Variants in FAT2 observed in about 807,000 individuals in gnomAD.
FAT2 encodes the protein protocadherin Fat 2.
Under a neutral mutation model 295.3 loss-of-function variants are expected in FAT2, and 150 were observed. That is an observed-to-expected ratio of 0.51 (90% confidence interval 0.44 to 0.58). The LOEUF is 0.58. Ranked by LOEUF, FAT2 falls within the 20% of genes least tolerant of loss-of-function variation. The probability of loss-of-function intolerance (pLI) is 0.00; values close to 1 mark genes in which losing one functional copy is unlikely to be tolerated. For synonymous variants in FAT2, 2,026 were observed against 2,150.3 expected, an observed-to-expected ratio of 0.94 and a Z score of 1.60; for missense variants, 4,868 against 5,442.7, an observed-to-expected ratio of 0.89 and a Z score of 3.32.
At position 151,507,735 on chromosome 5, in the gene FAT2, C is replaced by G. The variant is rs1040704187; in HGVS notation, c.12060-124G>C. On this transcript the variant is annotated intron_variant, in intron 22 of 23. Transcript: ENST00000261800. Reference sequence around the variant, plus strand: ...CCTACCATCTCCCGTTTTTCACCCCCCAAAAAAGTAACTATCAAGCATATC... The same window carrying G: ...CCTACCATCTCCCGTTTTTCACCCCGCAAAAAAGTAACTATCAAGCATATC... 9.4e-6 allele frequency: 8 copies of G among 846,972 alleles called. No homozygotes were observed. The Admixed American group carries it at 1.5e-4, about 16-fold the overall frequency. The allele number at this position is 846,972 out of a possible 1,614,324, so 52.5% of individuals were successfully genotyped here.
In FAT2 at chr5:151,509,726, A is replaced by G. The variant is rs555785243; in HGVS notation, c.12059+295T>C. The G allele has an allele frequency of 2.4e-5, 7 of 291,180 alleles. No homozygotes were observed. The East Asian group carries it at 4.6e-4, about 19-fold the overall frequency. 18.0% of individuals were successfully genotyped at this position (291,180 alleles called of 1,614,324 possible). A position where few individuals can be genotyped will look rare whatever the true frequency, so the allele number is the denominator to read the frequency against. On this transcript the variant is annotated intron_variant, in intron 22 of 23. Coordinates refer to ENST00000261800, the MANE Select transcript of FAT2 (RefSeq NM_001447.3). ...TGGTGAGTTGTATAATTACTTCATTATATATTACAATGTAATAATAATAGA... is the reference window on the plus strand; with the variant it reads ...TGGTGAGTTGTATAATTACTTCATTGTATATTACAATGTAATAATAATAGA...
chr5:151,525,984 A>G lies in FAT2; in HGVS notation c.10309-19T>C, dbSNP rs767318375. ...AGTTCTCCTGAGACCGAGAGTGACA[A>G]AGAAGGCAAAGAGCAGAATGAGTCC... On this transcript the variant is annotated intron_variant, in intron 17 of 23. Coordinates refer to ENST00000261800, the MANE Select transcript of FAT2 (RefSeq NM_001447.3). 3.7e-6 allele frequency: 6 copies of G among 1,612,020 alleles called. No homozygotes were observed. Among genetic ancestry groups the G allele is most frequent in the Non-Finnish European group, 5.1e-6 (6 of 1,178,828 alleles).
At chr5:151,560,347 A>T (rs1477547618) in intron 3 of FAT2, among the ~76,000 whole-genome samples, 1 of 152,226 alleles carries the variant, frequency 6.6e-6, no homozygotes, top group African/African-American at 2.4e-5. Flanking sequence ...AGCATAGAGC[A>T]GGTAACTCAC....
In FAT2 at chr5:151,566,650, CCCT is replaced by C; in HGVS notation, c.2279_2281del (p.Glu760del). On this transcript the variant is annotated inframe_deletion, in exon 2 of 24. Transcript: ENST00000261800. ...TGTCTCCAGCTCTATGTCAAAGCAG[CCCT>C]CCTCATTGCCATCTGCAATCACATA... is the stretch of plus-strand genomic sequence containing the variant. The C allele has an allele frequency of 6.2e-7, 1 of 1,614,152 alleles. No individual in the cohort carries two copies. The highest frequency in any genetic ancestry group is 1.7e-5 in the Admixed American group (1 of 60,028).
At position 151,568,503 on chromosome 5, in the gene FAT2, G is replaced by A. The variant is rs772160144; in HGVS notation, c.429C>T (p.Asp143=). 6.8e-6 allele frequency: 11 copies of A among 1,614,042 alleles called. No homozygotes were observed. In the South Asian group the frequency reaches 9.9e-5, roughly 15 times the overall value. Residue 143 remains aspartate, a synonymous_variant, in exon 2 of 24, where the codon GAC becomes GAT. Coordinates refer to ENST00000261800, the MANE Select transcript of FAT2 (RefSeq NM_001447.3). ...AAGGTGGAGAGAAGAGAGGCTTCAG[G>A]TCATTCTGGTCCAGGATGTGGACCA... The part of the protein sequence containing the change: ...RVVVHILDQN[D]LKPLFSPPSY...
intron 12 of FAT2, among the ~76,000 whole-genome samples, chr5:151,535,728 GTGT>G (rs1307078041): frequency 6.6e-6 from 1 of 152,198 alleles, no homozygotes; most frequent in Non-Finnish European, 1.5e-5. Context: ...CTTGCAACTG[GTGT>G]CTGGGTAAGG....
chr5:151,536,825 C>T (rs954229278), intron 12 of FAT2, among the ~76,000 whole-genome samples: 4 of 152,230 alleles, frequency 2.6e-5, no homozygotes, highest in East Asian at 1.9e-4. Context: ...TGCCTAAATC[C>T]TCCAGTGGCT....
intron 5 of FAT2, 75 bp from the exon 6 acceptor site, chr5:151,553,462 C>A: frequency 7.6e-7 from 1 of 1,315,322 alleles, no homozygotes; most frequent in South Asian, 1.3e-5. Context: ...GGACAGGAAC[C>A]AGAGCGTCCT....
intron 1 of FAT2, among the ~76,000 whole-genome samples, chr5:151,583,871 A>G (rs919685631): frequency 2.0e-5 from 3 of 151,792 alleles, no homozygotes; most frequent in Non-Finnish European, 2.9e-5. Context: ...GATGACACAC[A>G]CATGTAATCC....
chr5:151,526,978 T>C (rs1267413710), intron 17 of FAT2, among the ~76,000 whole-genome samples: 3 of 152,228 alleles, frequency 2.0e-5, no homozygotes, highest in African/African-American at 7.2e-5. Context: ...ATCTTCTAAA[T>C]CTGTAAAATG....
chr5:151,590,508 C>T (rs1226675577), intron 1 of FAT2, among the ~76,000 whole-genome samples: 4 of 152,208 alleles, frequency 2.6e-5, no homozygotes, highest in Non-Finnish European at 5.9e-5. Context: ...CAGGGCTGTT[C>T]CCACCCCAAC....
chr5:151,570,808 G>T (rs974613660), intron 1 of FAT2, among the ~76,000 whole-genome samples: 2 of 152,220 alleles, frequency 1.3e-5, no homozygotes, highest in African/African-American at 4.8e-5. Context: ...CAAGGCAAAG[G>T]GGGAAGGAGA....
Position 151,525,844 on chromosome 5 carries a change from A to G in FAT2, c.10430T>C (p.Val3477Ala). Reference sequence around the variant, plus strand: ...AGTCACCAGCCATCCATCCGGGGTCACTCGGAAGGCAGAGCCGTTGTTCCC... The same window carrying G: ...AGTCACCAGCCATCCATCCGGGGTCGCTCGGAAGGCAGAGCCGTTGTTCCC... Reference protein sequence around the residue: ...TKGNNGSAFRVTPDGWLVTAE... With the variant: ...TKGNNGSAFRATPDGWLVTAE... The change falls in exon 18 of 24, where the codon GTG becomes GCG. Residue 3477 changes from valine to alanine, a missense_variant. Val to Ala is a moderately conservative substitution (Grantham distance 64). Transcript: ENST00000261800. 1 of 1,613,974 alleles carries G rather than the reference A, an allele frequency of 6.2e-7. No homozygotes were observed. Among genetic ancestry groups the G allele is most frequent in the Non-Finnish European group, 8.5e-7 (1 of 1,179,954 alleles).
At position 151,542,381 on chromosome 5, in the gene FAT2, C is replaced by T. The variant is rs767490287; in HGVS notation, c.8746G>A (p.Val2916Ile). 1 of 1,614,200 alleles carries T rather than the reference C, an allele frequency of 6.2e-7. No individual in the cohort carries two copies. Reference sequence around the variant, plus strand: ...AGTTCGCCAGGCTCACTGTTCTCAACCACAGATCCTCTGTACTCTTCAGAA... The same window carrying T: ...AGTTCGCCAGGCTCACTGTTCTCAATCACAGATCCTCTGTACTCTTCAGAA... ...FASEEYRGSV[V>I]ENSEPGELVA... Residue 2916 changes from valine (V) to isoleucine (I), a missense_variant, in exon 10 of 24, where the codon GTT (valine) becomes ATT (isoleucine). Val to Ile is a conservative substitution (Grantham distance 29, BLOSUM62 3). Transcript: ENST00000261800.
Position 151,565,989 on chromosome 5 carries a change from G to C in FAT2, c.2943C>G (p.Leu981=), listed in dbSNP as rs138599681. 1 of 1,614,052 alleles carries C rather than the reference G, an allele frequency of 6.2e-7. No homozygotes were observed. Among genetic ancestry groups the C allele is most frequent in the Non-Finnish European group, 8.5e-7 (1 of 1,180,022 alleles). The stretch of plus-strand genomic sequence containing the variant: ...CAAAGTCCAGCTCTCTCTCCAGAAT[G>C]AGCGCCCCTGTCATCAGGTCCACCC... ...TFRVDLMTGA[L]ILERELDFER... Residue 981 remains leucine (L), a synonymous_variant, in exon 2 of 24, where the codon CTC becomes CTG. Transcript: ENST00000261800.
chr5:151,524,895 T>C (rs749854242), intron 18 of FAT2, among the ~76,000 whole-genome samples: 11 of 152,258 alleles, frequency 7.2e-5, no homozygotes, highest in Non-Finnish European at 1.2e-4. Flanking sequence ...TCCCTCTGAA[T>C]GTGTGTCCCC....
chr5:151,521,133 C>T (rs931027930), intron 19 of FAT2, 143 bp downstream of exon 19: 32 of 755,106 alleles, frequency 4.2e-5, no homozygotes, highest in Non-Finnish European at 5.7e-5. Context: ...GGCCACTAGC[C>T]GTCTTATGGT....
intron 1 of FAT2, among the ~76,000 whole-genome samples, chr5:151,582,381 T>C (rs1758994054): frequency 6.6e-6 from 1 of 152,198 alleles, no homozygotes; most frequent in Non-Finnish European, 1.5e-5. Context: ...TCCGCAAAGC[T>C]GGCCGGTGGA....
rs1329239115 is a variant in FAT2 at position 151,568,389 on chromosome 5, A to G, written c.543T>C (p.Ala181=). ...TATDADLGQN[A]EFYYAFNTRS... ...TTGTGTTAAAGGCATAATAGAACTCAGCATTCTGGCCTAGATCAGCATCTG... is the reference window on the plus strand; with the variant it reads ...TTGTGTTAAAGGCATAATAGAACTCGGCATTCTGGCCTAGATCAGCATCTG... The change falls in exon 2 of 24, where the codon GCT becomes GCC. Residue 181 remains alanine, a synonymous_variant. Coordinates refer to ENST00000261800, the MANE Select transcript of FAT2 (RefSeq NM_001447.3). 1 of 1,614,226 alleles carries G rather than the reference A, an allele frequency of 6.2e-7. No individual in the cohort carries two copies. The highest frequency in any genetic ancestry group is 8.5e-7 in the Non-Finnish European group (1 of 1,180,026).
Sources: allele counts gnomAD v4.1 joint callset (sites outside exome capture counted in the v4.1 genomes callset), GRCh38; gene constraint gnomAD v4.1.1; transcripts MANE v1.5; gene names NCBI Gene and HGNC (gene_info 2026-07-23, HGNC 2026-07-21).